The following INSR variants were observed in gnomAD, a reference collection of about 807,000 sequenced individuals.
INSR encodes the protein IR.
In INSR, 67 loss-of-function variants were observed where a neutral mutation model predicts 142.6. That is an observed-to-expected ratio of 0.47 (90% CI 0.39 to 0.58). The LOEUF is 0.58. Among genes scored for constraint, INSR ranks in the 20% least tolerant of loss-of-function variants. INSR has a pLI of 0.00. For synonymous variants in INSR, 756 were observed against 743.1 expected (o/e 1.02, Z -0.28); for missense variants, 1,248 against 1,833.2 (o/e 0.68, Z 5.83).
chr19:7,139,971 G>C (rs1433342442), intron 13 of INSR, among the ~76,000 whole-genome samples: 2 of 151,986 alleles, frequency 1.3e-5, no homozygotes, highest in Non-Finnish European at 1.5e-5. Context: ...GGGATTATAG[G>C]CGCCCACCAT....
chr19:7,152,435 G>T, intron 10 of INSR: 1 of 459,340 alleles, frequency 2.2e-6, no homozygotes. Flanking sequence ...GTCTAACGGA[G>T]TTTGTTTTGG....
intron 1 of INSR, among the ~76,000 whole-genome samples, chr19:7,292,520 G>A (rs558776147): frequency 6.6e-6 from 1 of 151,856 alleles, no homozygotes; most frequent in Non-Finnish European, 1.5e-5. Flanking sequence ...TGACAGAGTC[G>A]ACTCAGCAAA....
intron 2 of INSR, among the ~76,000 whole-genome samples, chr19:7,197,504 A>G (rs1444986409): frequency 1.0e-5 from 1 of 98,208 alleles, no homozygotes; most frequent in Non-Finnish European, 2.2e-5. Context: ...CAGGTTCCAG[A>G]GTGGGAGTGG....
chr19:7,123,910 G>A (rs1394170426), intron 17 of INSR, among the ~76,000 whole-genome samples: 2 of 151,482 alleles, frequency 1.3e-5, no homozygotes, highest in African/African-American at 2.4e-5. Context: ...GCGACAGAGA[G>A]AGACTCTGTC....
Position 7,294,325 on chromosome 19 carries a change from G to A in INSR, c.-434C>T, listed in dbSNP as rs1403631551. Among the ~76,000 whole-genome samples the A allele has an allele frequency of 6.6e-6, 1 of 151,198 alleles. No individual in the cohort carries two copies. The highest frequency in any genetic ancestry group is 1.5e-5 in the Non-Finnish European group (1 of 67,602). On this transcript the variant is annotated 5_prime_UTR_variant, in exon 1 of 22. Coordinates refer to ENST00000302850, the MANE Select transcript of INSR (RefSeq NM_000208.4). ...ACCTGGGCTGGCGGGTGGCGGGCGG[G>A]CGGCGGGAGAGAGGGCTGCTCGGGC...
chr19:7,119,629 C>CACACACACACGCGCGCGCGCAA lies in INSR; in HGVS notation c.3660-68_3660-47dup. 2 of 1,607,248 alleles carry CACACACACACGCGCGCGCGCAA rather than the reference C, an allele frequency of 1.2e-6. No individual in the cohort carries two copies. The highest frequency in any genetic ancestry group is 2.2e-5 in the South Asian group (2 of 90,846). ...TAGTAACAAAGAAGCCATTTAGACA[C>CACACACACACGCGCGCGCGCAA]ACACACACACGCGCGCGCGCAAACA... On this transcript the variant is annotated intron_variant, in intron 20 of 21. Transcript: ENST00000302850. The surrounding 1 kb of genome is among the most constrained non-coding windows in gnomAD (Gnocchi z 5.2).
At chr19:7,273,929 G>A (rs768104181) in intron 1 of INSR, among the ~76,000 whole-genome samples, 32 of 152,098 alleles carry the variant, frequency 2.1e-4, no homozygotes, top group Non-Finnish European at 4.0e-4. Flanking sequence ...GGAGATGGAA[G>A]TTGCAGTGAA....
intron 1 of INSR, among the ~76,000 whole-genome samples, chr19:7,268,853 C>G (rs1967819990): frequency 6.6e-6 from 1 of 152,094 alleles, no homozygotes; most frequent in Non-Finnish European, 1.5e-5. Flanking sequence ...TTTCTAAATC[C>G]AGCCCATCAT....
At chr19:7,153,436 T>TCA (rs1409235870) in intron 9 of INSR, among the ~76,000 whole-genome samples, 1 of 59,650 alleles carries the variant, frequency 1.7e-5, no homozygotes. Flanking sequence ...ACCACACAAA[T>TCA]CACACACACC....
intron 9 of INSR, among the ~76,000 whole-genome samples, chr19:7,161,152 A>C (rs1973738497): frequency 1.3e-5 from 2 of 149,506 alleles, no homozygotes; most frequent in South Asian, 2.1e-4. Flanking sequence ...TTTTATAATA[A>C]AATTATTTAT....
intron 11 of INSR, among the ~76,000 whole-genome samples, chr19:7,149,900 A>G (rs1207525478): frequency 1.3e-5 from 1 of 76,286 alleles, no homozygotes; most frequent in Admixed American, 1.3e-4. Context: ...AGAAAAGAAA[A>G]GAAAGAAGGA....
intron 1 of INSR, among the ~76,000 whole-genome samples, chr19:7,269,571 A>T (rs1305448279): frequency 6.6e-6 from 1 of 152,108 alleles, no homozygotes; most frequent in Non-Finnish European, 1.5e-5. Context: ...CTTCAAGAGG[A>T]CAAGGATGCC....
intron 2 of INSR, among the ~76,000 whole-genome samples, chr19:7,254,178 G>T (rs2145182195): frequency 6.6e-6 from 1 of 152,108 alleles, no homozygotes; most frequent in African/African-American, 2.4e-5. Context: ...AGACCAGCCT[G>T]GGCAACATAG....
intron 2 of INSR, among the ~76,000 whole-genome samples, chr19:7,250,377 GA>G (rs1396888013): frequency 1.8e-5 from 2 of 109,030 alleles, no homozygotes; most frequent in African/African-American, 3.8e-5. Context: ...GGAGGAGGGA[GA>G]GAGGAAGGGA....
chr19:7,291,160 C>G (rs1241420452), intron 1 of INSR, among the ~76,000 whole-genome samples: 2 of 152,184 alleles, frequency 1.3e-5, no homozygotes, highest in African/African-American at 4.8e-5. Flanking sequence ...GCATCACAGC[C>G]CATTTATTTG....
At chr19:7,280,893 AT>A (rs1968189091) in intron 1 of INSR, among the ~76,000 whole-genome samples, 1 of 151,682 alleles carries the variant, frequency 6.6e-6, no homozygotes, top group Non-Finnish European at 1.5e-5. Flanking sequence ...GCGAGACTCG[AT>A]CTCCAAAAAA....
chr19:7,224,989 CAGAG>C (rs1490245329), intron 2 of INSR, among the ~76,000 whole-genome samples: 1 of 151,704 alleles, frequency 6.6e-6, no homozygotes, highest in Non-Finnish European at 1.5e-5. Flanking sequence ...GACAGACAGA[CAGAG>C]ACAGAGAGGG....
chr19:7,143,578 C>T (rs1973124192), intron 11 of INSR, among the ~76,000 whole-genome samples: 1 of 152,150 alleles, frequency 6.6e-6, no homozygotes, highest in African/African-American at 2.4e-5. Flanking sequence ...CTTAGGGCAC[C>T]TGTATAATTT....
intron 21 of INSR, among the ~76,000 whole-genome samples, chr19:7,117,853 C>T (rs1465870570): frequency 6.6e-6 from 1 of 151,480 alleles, no homozygotes; most frequent in Admixed American, 6.6e-5. Flanking sequence ...ATGATCCACC[C>T]ACCTTGGCCT....
Sources: gnomAD v4.1 joint callset for allele counts (sites outside exome capture counted in the v4.1 genomes callset) on GRCh38, gnomAD v4.1.1 for gene constraint, Gnocchi (gnomAD v3.1) non-coding constraint, MANE v1.5 for transcripts, NCBI Gene and HGNC (gene_info 2026-07-23, HGNC 2026-07-21) for gene names.